PCDHGB2: variants seen among roughly 807,000 people sequenced by gnomAD.
The protein encoded by PCDHGB2 is protocadherin gamma-B2.
A neutral mutation model predicts 59.3 loss-of-function variants in PCDHGB2; 55 were observed. The observed-to-expected ratio is 0.93, with a 90% CI of 0.75 to 1.16. PCDHGB2 has a LOEUF of 1.16. PCDHGB2 is among the 50% of genes most tolerant of loss of function. The pLI is 0.00. For missense variants in PCDHGB2, 1,228 were observed against 1,198.5 expected, an observed-to-expected ratio of 1.02 and a Z score of -0.36; for synonymous variants, 516 against 512.0, an observed-to-expected ratio of 1.01 and a Z score of -0.11.
At position 141,489,651 on chromosome 5, in the gene PCDHGB2, G is replaced by A; in HGVS notation, c.2422-5156G>A. 6.2e-7 allele frequency: 1 copy of A among 1,614,186 alleles called. No individual in the cohort carries two copies. Among genetic ancestry groups the A allele is most frequent in the Non-Finnish European group, 8.5e-7 (1 of 1,180,032 alleles). ...ACTCTCCTAGCTTTGCCACCCCTGA[G>A]CGAGAGATGCGCATCTCAGAATCAG... On this transcript the variant is annotated intron_variant, in intron 1 of 3. Coordinates refer to ENST00000522605, the MANE Select transcript of PCDHGB2 (RefSeq NM_018923.3). The surrounding 1 kb of genome is among the most constrained non-coding windows in gnomAD (Gnocchi z 4.5).
chr5:141,474,961 AATC>A (rs2099357151), intron 1 of PCDHGB2, among the ~76,000 whole-genome samples: 1 of 152,254 alleles, frequency 6.6e-6, no homozygotes, highest in African/African-American at 2.4e-5. Flanking sequence ...TCACTATCCT[AATC>A]ATTATAATTT....
chr5:141,417,528 A>G, intron 1 of PCDHGB2: 1 of 277,368 alleles, frequency 3.6e-6, no homozygotes, highest in Non-Finnish European at 6.7e-6. Context: ...GTCAACTCGT[A>G]GTTTAAAAAA....
chr5:141,392,463 AT>A (rs770659302), intron 1 of PCDHGB2: 30 of 173,504 alleles, frequency 1.7e-4, no homozygotes, highest in Non-Finnish European at 2.8e-4. Context: ...TTACGGATAA[AT>A]CAAATAAATT....
At chr5:141,461,225 T>C (rs1157429654) in intron 1 of PCDHGB2, among the ~76,000 whole-genome samples, 3 of 152,162 alleles carry the variant, frequency 2.0e-5, no homozygotes, top group African/African-American at 7.2e-5. Flanking sequence ...CTGTTTTCCA[T>C]AGAGGTTGTA....
At chr5:141,464,995 G>A (rs1330469198) in intron 1 of PCDHGB2, among the ~76,000 whole-genome samples, 1 of 151,962 alleles carries the variant, frequency 6.6e-6, no homozygotes, top group East Asian at 1.9e-4. Context: ...TCCCACCTCA[G>A]CCTCCCAAAG....
rs1259021130 is a variant in PCDHGB2 at position 141,485,083 on chromosome 5, G to C, written c.2422-9724G>C. ...GCGCCAGAGCTGGCGCGGGGAAAGG[G>C]AGATAGGTGTCTCCAGCTGCTGTGG... On this transcript the variant is annotated intron_variant, in intron 1 of 3. Coordinates refer to ENST00000522605, the MANE Select transcript of PCDHGB2 (RefSeq NM_018923.3). The surrounding 1 kb of genome is among the most constrained non-coding windows in gnomAD (Gnocchi z 5.7). The C allele has an allele frequency of 1.0e-6, 1 of 989,386 alleles. No homozygotes were observed. The highest frequency in any genetic ancestry group is 1.6e-5 in the African/African-American group (1 of 61,992). 61.3% of individuals were successfully genotyped at this position (989,386 alleles called of 1,614,324 possible).
At chr5:141,364,658 G>C in intron 1 of PCDHGB2, 1 of 1,614,020 alleles carries the variant, frequency 6.2e-7, no homozygotes, top group Non-Finnish European at 8.5e-7. Context: ...TAACATCTTG[G>C]TTGAGAACAA....
intron 1 of PCDHGB2, among the ~76,000 whole-genome samples, chr5:141,443,594 T>C (rs1040469046): frequency 1.3e-5 from 2 of 152,234 alleles, no homozygotes; most frequent in Non-Finnish European, 2.9e-5. Flanking sequence ...CAGAATGTGG[T>C]ATATGAAATG....
intron 1 of PCDHGB2, chr5:141,411,163 C>T (rs1001422146): frequency 6.6e-6 from 1 of 152,132 alleles, no homozygotes; most frequent in African/African-American, 2.4e-5. Context: ...TTCTGACTAT[C>T]GAACAGAAGC....
chr5:141,362,141 A>G lies in PCDHGB2; in HGVS notation c.2006A>G (p.Gln669Arg), dbSNP rs765866460. 2 of 1,614,032 alleles carry G rather than the reference A, an allele frequency of 1.2e-6. No individual in the cohort carries two copies. Among genetic ancestry groups the G allele is most frequent in the South Asian group, 2.2e-5 (2 of 91,090 alleles). ...TLHLIFADSL[Q>R]EVLPDLSDRR... ...CACCTAATCTTCGCGGATAGCCTGC[A>G]AGAGGTATTGCCAGACCTCAGCGAC... The change falls in exon 1 of 4, where the codon CAA (glutamine) becomes CGA (arginine). Residue 669 changes from glutamine to arginine, a missense_variant. This residue lies in a region of PCDHGB2 where 433 missense variants were observed against 441.8 expected (regional missense o/e 0.98). Coordinates refer to ENST00000522605, the MANE Select transcript of PCDHGB2 (RefSeq NM_018923.3).
chr5:141,432,133 C>T lies in PCDHGB2; in HGVS notation c.2422-62674C>T, dbSNP rs1468632362. The stretch of plus-strand genomic sequence containing the variant: ...CGGTCTTCCCTCAGGCCTCCTATTC[C>T]GCTTATATCCCAGAGAACAATCCCA... On this transcript the variant is annotated intron_variant, in intron 1 of 3. Transcript: ENST00000522605. This position sits in a 1 kb window ranked among gnomAD's most constrained non-coding sequence, Gnocchi z 6.0. 9 of 1,614,142 alleles carry T rather than the reference C, an allele frequency of 5.6e-6. No homozygotes were observed. The highest frequency in any genetic ancestry group is 1.6e-4 in the Middle Eastern group (1 of 6,062).
chr5:141,425,742 A>T (rs1315830227), intron 1 of PCDHGB2, among the ~76,000 whole-genome samples: 1 of 152,246 alleles, frequency 6.6e-6, no homozygotes, highest in Non-Finnish European at 1.5e-5. Flanking sequence ...GTTTTCCCAC[A>T]AGGTTTTTGT....
chr5:141,485,805 T>C lies in PCDHGB2; in HGVS notation c.2422-9002T>C, dbSNP rs753916789. ...GAGAAGCAATCGGACTACCGCCTGG[T>C]GCTGACTGCTGTCGATGGAGGGAAC... On this transcript the variant is annotated intron_variant, in intron 1 of 3. Coordinates refer to ENST00000522605, the MANE Select transcript of PCDHGB2 (RefSeq NM_018923.3). The surrounding 1 kb of genome is among the most constrained non-coding windows in gnomAD (Gnocchi z 5.7). 1.2e-6 allele frequency: 2 copies of C among 1,614,198 alleles called. No individual in the cohort carries two copies. The highest frequency in any genetic ancestry group is 1.7e-6 in the Non-Finnish European group (2 of 1,180,026).
At chr5:141,409,227 A>G (rs2095244126) in intron 1 of PCDHGB2, 1 of 1,613,922 alleles carries the variant, frequency 6.2e-7, no homozygotes, top group African/African-American at 1.3e-5. Flanking sequence ...GATGAAAACG[A>G]CAACAGCCCA....
intron 1 of PCDHGB2, chr5:141,428,207 T>G (rs1213295979): frequency 7.6e-7 from 1 of 1,308,340 alleles, no homozygotes; most frequent in African/African-American, 1.4e-5. Context: ...GCCGCTACGC[T>G]TCACCTAGTC....
At position 141,362,106 on chromosome 5, in the gene PCDHGB2, G is replaced by T. The variant is rs73265834; in HGVS notation, c.1971G>T (p.Thr657=). Residue 657 remains threonine, a synonymous_variant, in exon 1 of 4, where the codon ACG becomes ACT. Transcript: ENST00000522605. ...RDGGQPPLSA[T]ATLHLIFADS... is the part of the protein sequence containing the mutation. Reference sequence around the variant, plus strand: ...GAGGACAGCCGCCACTCTCCGCTACGGCCACGCTGCACCTAATCTTCGCGG... The same window carrying T: ...GAGGACAGCCGCCACTCTCCGCTACTGCCACGCTGCACCTAATCTTCGCGG... 1.3e-4 allele frequency: 207 copies of T among 1,612,660 alleles called. 2 individuals are homozygous for T. In the South Asian group the frequency reaches 2.2e-3, roughly 17 times the overall value.
chr5:141,456,098 C>T (rs1222639126), intron 1 of PCDHGB2, among the ~76,000 whole-genome samples: 2 of 151,980 alleles, frequency 1.3e-5, no homozygotes, highest in Non-Finnish European at 2.9e-5. Flanking sequence ...GGGATTTCAC[C>T]GTGTTAGCCA....
Position 141,361,312 on chromosome 5 carries a change from A to G in PCDHGB2, c.1177A>G (p.Ile393Val), listed in dbSNP as rs1761969172. ...CCAAGTGTTGGGAAATGCCAAGTTTATTTTGAAATCTTCCTCAAAGAACTA... is the reference window on the plus strand; with the variant it reads ...CCAAGTGTTGGGAAATGCCAAGTTTGTTTTGAAATCTTCCTCAAAGAACTA... The part of the protein sequence containing the change: ...YCQVLGNAKF[I>V]LKSSSKNYYK... Residue 393 changes from isoleucine to valine, a missense_variant, in exon 1 of 4, where the codon ATT (isoleucine) becomes GTT (valine). Physicochemically the swap from Ile to Val is conservative, Grantham distance 29. Around this residue, in one of 3 missense-constraint regions of PCDHGB2, gnomAD observed 781 missense variants for 721.6 expected, o/e 1.08. Coordinates refer to ENST00000522605, the MANE Select transcript of PCDHGB2 (RefSeq NM_018923.3). 5.0e-6 allele frequency: 8 copies of G among 1,613,984 alleles called. No individual in the cohort carries two copies. In the South Asian group the frequency reaches 7.7e-5, roughly 16 times the overall value.
intron 2 of PCDHGB2, among the ~76,000 whole-genome samples, chr5:141,501,223 T>G (rs1247662371): frequency 6.6e-6 from 1 of 151,280 alleles, no homozygotes; most frequent in African/African-American, 2.4e-5. Flanking sequence ...CTTCCTAGAT[T>G]TCTCAGTTTT....
Sources: gnomAD v4.1 joint callset for allele counts (sites outside exome capture counted in the v4.1 genomes callset) on GRCh38, gnomAD v4.1.1 for gene constraint, gnomAD v4.1.1 regional missense constraint, Gnocchi (gnomAD v3.1) non-coding constraint, MANE v1.5 for transcripts, NCBI Gene and HGNC (gene_info 2026-07-23, HGNC 2026-07-21) for gene names.